The following MTUS2 variants were observed in gnomAD, a reference collection of about 807,000 sequenced individuals.
MTUS2 encodes microtubule associated scaffold protein 2.
MTUS2 carries 40 observed loss-of-function variants against 114.1 expected under a neutral mutation model. That is an observed-to-expected ratio of 0.35 (90% CI 0.27 to 0.46). The LOEUF (loss-of-function observed/expected upper bound fraction) is 0.46. Among genes scored for constraint, MTUS2 ranks in the 20% least tolerant of loss-of-function variants. The pLI is 1.00. For synonymous variants in MTUS2, 688 were observed against 672.0 expected, an observed-to-expected ratio of 1.02 and a Z score of -0.37; for missense variants, 1,679 against 1,705.4, an observed-to-expected ratio of 0.98 and a Z score of 0.27.
chr13:28,908,482 T>C lies in MTUS2; in HGVS notation c.-243+68632T>C, dbSNP rs986754145. ...CAAAGGACATGAACTCATCATTTTT[T>C]ATGGCTGCATAGTATTCCATGGTGT... On this transcript the variant is annotated intron_variant, in intron 2 of 15. Transcript: ENST00000612955. Among the ~76,000 whole-genome samples, 11 of 151,588 alleles carry C rather than the reference T, an allele frequency of 7.3e-5. 1 individual carries two copies. Among genetic ancestry groups the C allele is most frequent in the Non-Finnish European group, 1.6e-4 (11 of 67,912 alleles).
chr13:28,970,341 A>G (rs924529853), intron 2 of MTUS2, among the ~76,000 whole-genome samples: 11 of 152,210 alleles, frequency 7.2e-5, no homozygotes, highest in African/African-American at 2.7e-4. Flanking sequence ...CTTGTGAATA[A>G]TGTGAGCATC....
chr13:29,387,625 G>A (rs561545424), intron 8 of MTUS2, among the ~76,000 whole-genome samples: 16 of 152,302 alleles, frequency 1.1e-4, no homozygotes, highest in South Asian at 8.3e-4. Context: ...GGAACAAGGC[G>A]AGAGATGATG....
At chr13:29,256,994 G>A (rs1415364976) in intron 5 of MTUS2, among the ~76,000 whole-genome samples, 2 of 152,158 alleles carry the variant, frequency 1.3e-5, no homozygotes, top group African/African-American at 4.8e-5. Context: ...CAAAATAAAA[G>A]GTGGACCTCG....
chr13:28,918,232 A>C (rs1880853764), intron 2 of MTUS2, among the ~76,000 whole-genome samples: 1 of 151,748 alleles, frequency 6.6e-6, no homozygotes, highest in Non-Finnish European at 1.5e-5. Flanking sequence ...TTCTTTGTTG[A>C]TTTTCTGTTT....
At chr13:29,491,752 TGC>T (rs1413770237) in intron 11 of MTUS2, among the ~76,000 whole-genome samples, 57 of 146,972 alleles carry the variant, frequency 3.9e-4, no homozygotes, top group African/African-American at 1.4e-3. Flanking sequence ...GGTGTGTGTG[TGC>T]GTGTGGTATG....
At chr13:29,193,744 T>C (rs957604568) in intron 5 of MTUS2, among the ~76,000 whole-genome samples, 2 of 151,996 alleles carry the variant, frequency 1.3e-5, no homozygotes, top group Non-Finnish European at 2.9e-5. Flanking sequence ...AAAAAACTAC[T>C]TTAAAGTTCA....
chr13:29,048,714 C>T (rs568659208), intron 4 of MTUS2, among the ~76,000 whole-genome samples: 7 of 152,230 alleles, frequency 4.6e-5, no homozygotes, highest in African/African-American at 1.7e-4. Context: ...AAGCAGTCCT[C>T]TTGCCTCAGC....
intron 2 of MTUS2, among the ~76,000 whole-genome samples, chr13:28,841,130 A>G (rs59707475): frequency 0.037 from 5,696 of 152,292 alleles, 388 homozygotes; most frequent in African/African-American, 0.13. Context: ...TGTATTCATA[A>G]TGGATGGTTC....
intron 4 of MTUS2, among the ~76,000 whole-genome samples, chr13:29,091,250 T>C (rs990941040): frequency 6.6e-6 from 1 of 152,176 alleles, no homozygotes; most frequent in Non-Finnish European, 1.5e-5. Context: ...CTCTTTTGTT[T>C]GTAAATTACC....
chr13:29,255,357 C>T (rs1897256877), intron 5 of MTUS2, among the ~76,000 whole-genome samples: 1 of 152,102 alleles, frequency 6.6e-6, no homozygotes, highest in Non-Finnish European at 1.5e-5. Flanking sequence ...TTTTACAGCC[C>T]CCTCCGGTCC....
intron 5 of MTUS2, among the ~76,000 whole-genome samples, chr13:29,278,608 A>G (rs1350281663): frequency 1.3e-5 from 2 of 152,236 alleles, no homozygotes; most frequent in Non-Finnish European, 2.9e-5. Context: ...ATTAAAATCC[A>G]GTGATGCTAC....
chr13:29,206,195 T>C (rs1007772337), intron 5 of MTUS2, among the ~76,000 whole-genome samples: 1 of 152,234 alleles, frequency 6.6e-6, no homozygotes, highest in African/African-American at 2.4e-5. Context: ...GTTTGTTGGC[T>C]ATTTTTATAT....
intron 4 of MTUS2, among the ~76,000 whole-genome samples, chr13:29,077,669 C>G (rs1227615328): frequency 6.6e-6 from 1 of 152,188 alleles, no homozygotes; most frequent in East Asian, 1.9e-4. Context: ...ACTACTCCTT[C>G]TTTGTTTCTG....
chr13:29,055,579 C>T (rs1410697047), intron 4 of MTUS2, among the ~76,000 whole-genome samples: 2 of 152,064 alleles, frequency 1.3e-5, no homozygotes, highest in Admixed American at 6.6e-5. Context: ...AATATGTACT[C>T]AATATCTAGC....
chr13:29,012,348 C>T (rs1481507907), intron 2 of MTUS2, among the ~76,000 whole-genome samples: 1 of 152,122 alleles, frequency 6.6e-6, no homozygotes, highest in African/African-American at 2.4e-5. Context: ...TAGCTTTTCT[C>T]CCCACCTACT....
chr13:29,177,550 C>T (rs1189708921), intron 5 of MTUS2, among the ~76,000 whole-genome samples: 1 of 152,132 alleles, frequency 6.6e-6, no homozygotes, highest in Non-Finnish European at 1.5e-5. Flanking sequence ...GCCTGGAACC[C>T]TTCACTAGTC....
chr13:29,270,875 A>T (rs1317161052), intron 5 of MTUS2, among the ~76,000 whole-genome samples: 1 of 152,190 alleles, frequency 6.6e-6, no homozygotes, highest in Non-Finnish European at 1.5e-5. Flanking sequence ...GAGCTGTGGC[A>T]TGCTCTGAGG....
At chr13:29,390,945 G>T (rs112213395) in intron 8 of MTUS2, among the ~76,000 whole-genome samples, 1,599 of 152,038 alleles carry the variant, frequency 0.011, 29 homozygotes, top group African/African-American at 0.036. Flanking sequence ...ACTATGCCCA[G>T]CTAATTATTG....
At chr13:29,355,606 TATC>T (rs2138205725) in intron 7 of MTUS2, among the ~76,000 whole-genome samples, 1 of 152,350 alleles carries the variant, frequency 6.6e-6, no homozygotes, top group Non-Finnish European at 1.5e-5. Context: ...CTGTATTTCT[TATC>T]ATTTCCCACT....
Sources: allele counts gnomAD v4.1 joint callset (sites outside exome capture counted in the v4.1 genomes callset), GRCh38; gene constraint gnomAD v4.1.1; transcripts MANE v1.5; gene names NCBI Gene and HGNC (gene_info 2026-07-23, HGNC 2026-07-21).